The following ANP32A variants were observed in gnomAD, a reference collection of about 807,000 sequenced individuals.
ANP32A encodes the protein acidic nuclear phosphoprotein 32 family member A.
ANP32A carries 1 observed loss-of-function variant against 33.9 expected under a neutral mutation model. That is an observed-to-expected ratio of 0.03 (90% CI 0.01 to 0.14). The LOEUF (loss-of-function observed/expected upper bound fraction) is 0.14. Among genes scored for constraint, ANP32A ranks in the 10% least tolerant of loss-of-function variants. The probability of loss-of-function intolerance (pLI) is 1.00; values close to 1 mark genes in which losing one functional copy is unlikely to be tolerated. For missense variants in ANP32A, 155 were observed against 306.0 expected (o/e 0.51, Z 3.68); for synonymous variants, 115 against 120.5 (o/e 0.95, Z 0.30).
rs569348360 is a variant in ANP32A, at chr15:68,820,859, C to A, written c.-108G>T. Reference sequence around the variant, plus strand: ...GACTTTGAAGGCTCAACCAGCTCCGCTCGGTTCTCGAGCCCCCAGCACCCG... The same window carrying A: ...GACTTTGAAGGCTCAACCAGCTCCGATCGGTTCTCGAGCCCCCAGCACCCG... On this transcript the variant is annotated 5_prime_UTR_variant, in exon 1 of 7. Transcript: ENST00000465139. 160 of 1,353,912 alleles carry A rather than the reference C, an allele frequency of 1.2e-4. 1 individual carries two copies. The South Asian group carries it at 1.6e-3, about 14-fold the overall frequency. 83.9% of individuals were successfully genotyped at this position (1,353,912 alleles called of 1,614,324 possible).
rs999758320 is a variant in ANP32A, at chr15:68,780,009, G to GC, written c.*71_*72insG. The stretch of plus-strand genomic sequence containing the variant: ...TAAGTTTCAGGGGGCAGGATTGGAG[G>GC]GGGGGGGGAGAGGGGATATGGGTAA... On this transcript the variant is annotated 3_prime_UTR_variant, in exon 7 of 7. Coordinates refer to ENST00000465139, the MANE Select transcript of ANP32A (RefSeq NM_006305.4). The surrounding 1 kb of genome is among the most constrained non-coding windows in gnomAD (Gnocchi z 4.3). 3.7e-6 allele frequency: 5 copies of GC among 1,358,248 alleles called. No individual in the cohort carries two copies. Among genetic ancestry groups the GC allele is most frequent in the African/African-American group, 1.6e-5 (1 of 63,264 alleles). The allele number at this position is 1,358,248 out of a possible 1,614,324, so 84.1% of individuals were successfully genotyped here.
chr15:68,798,374 C>T (rs561034047), intron 1 of ANP32A, among the ~76,000 whole-genome samples: 1 of 152,324 alleles, frequency 6.6e-6, no homozygotes, highest in South Asian at 2.1e-4. Flanking sequence ...GAGGCCAGGA[C>T]GCATCCCACA....
chr15:68,790,326 G>C (rs1596065988), intron 1 of ANP32A: 1 of 152,222 alleles, frequency 6.6e-6, no homozygotes, highest in Non-Finnish European at 1.5e-5. Flanking sequence ...CAGGGAATTC[G>C]TCCAGGAAGT....
intron 1 of ANP32A, among the ~76,000 whole-genome samples, chr15:68,803,780 T>A (rs1388157450): frequency 1.3e-5 from 2 of 151,270 alleles, no homozygotes. Flanking sequence ...TTTGGTTTTA[T>A]GTGCTCTATT....
At chr15:68,810,771 G>A (rs1341672046) in intron 1 of ANP32A, among the ~76,000 whole-genome samples, 1 of 152,076 alleles carries the variant, frequency 6.6e-6, no homozygotes, top group East Asian at 1.9e-4. Flanking sequence ...CAAGAATGCT[G>A]AATCCCAGCC....
intron 1 of ANP32A, among the ~76,000 whole-genome samples, chr15:68,802,842 C>CG (rs1894156938): frequency 6.6e-6 from 1 of 151,124 alleles, no homozygotes; most frequent in Admixed American, 6.6e-5. Context: ...TTGGTAGAGA[C>CG]GGGGTTTCAC....
chr15:68,782,679 C>T (rs1893884074), intron 5 of ANP32A: 1 of 472,054 alleles, frequency 2.1e-6, no homozygotes. Context: ...TGTACTTCTT[C>T]ACATAGAAAC....
rs1893947274 is a variant in ANP32A, at chr15:68,787,485, T to C, written c.255A>G (p.Glu85=). Residue 85 remains glutamate, a synonymous_variant, in exon 3 of 7, where the codon GAA becomes GAG. Transcript: ENST00000465139. ...TTAGATGCGTGAGGTTCGGACACTT[T>C]TCTGCCAATACTTCCAGGCCCCCTG... ...RVSGGLEVLA[E]KCPNLTHLNL... 1 of 1,614,092 alleles carries C rather than the reference T, an allele frequency of 6.2e-7. No individual in the cohort carries two copies. The highest frequency in any genetic ancestry group is 8.5e-7 in the Non-Finnish European group (1 of 1,180,034).
At chr15:68,796,515 G>A (rs771014411) in intron 1 of ANP32A, among the ~76,000 whole-genome samples, 4 of 152,146 alleles carry the variant, frequency 2.6e-5, no homozygotes, top group Non-Finnish European at 2.9e-5. Flanking sequence ...ACACCCAGCC[G>A]CAGACTCGAC....
rs1894465315 is a variant in ANP32A, at chr15:68,820,820, GC to G, written c.-70del. 22 of 1,596,532 alleles carry G rather than the reference GC, an allele frequency of 1.4e-5. 1 individual carries two copies. In the South Asian group the frequency reaches 2.3e-4, roughly 17 times the overall value. ...TCAATCAATAAACCCCGAACCCACG[GC>G]CGCGCGTTTTAGGACTTTGAAGGCT... On this transcript the variant is annotated 5_prime_UTR_variant, in exon 1 of 7. Coordinates refer to ENST00000465139, the MANE Select transcript of ANP32A (RefSeq NM_006305.4).
chr15:68,818,857 C>T (rs1339566697), intron 1 of ANP32A, among the ~76,000 whole-genome samples: 1 of 151,592 alleles, frequency 6.6e-6, no homozygotes, highest in African/African-American at 2.4e-5. Flanking sequence ...AGCCCCCAAA[C>T]GCTAGGCGCC....
intron 1 of ANP32A, among the ~76,000 whole-genome samples, chr15:68,799,640 G>A (rs145583401): frequency 7.3e-4 from 111 of 152,278 alleles, no homozygotes; most frequent in African/African-American, 2.6e-3. Context: ...ATGAGCCATC[G>A]AAGGCTGTGC....
intron 1 of ANP32A, among the ~76,000 whole-genome samples, chr15:68,795,037 C>A (rs918065561): frequency 1.3e-5 from 2 of 152,160 alleles, no homozygotes; most frequent in Non-Finnish European, 2.9e-5. Flanking sequence ...AAGTTGGGGC[C>A]AGAGTCACTG....
chr15:68,792,130 G>T (rs1236929801), intron 1 of ANP32A: 1 of 136,952 alleles, frequency 7.3e-6, no homozygotes, highest in African/African-American at 2.7e-5. Context: ...GCTTTAAAAA[G>T]AAAAAAAAAA....
At chr15:68,817,775 G>C (rs1307560373) in intron 1 of ANP32A, 2 of 152,192 alleles carry the variant, frequency 1.3e-5, no homozygotes, top group Non-Finnish European at 2.9e-5. Context: ...GCGCGGGGCG[G>C]AAACCCCCAT....
chr15:68,787,111 G>T (rs185156360), intron 3 of ANP32A: 1 of 342,320 alleles, frequency 2.9e-6, no homozygotes, highest in Non-Finnish European at 5.5e-6. Context: ...TACAGCTCAG[G>T]TTTCCAAAGC....
At chr15:68,819,320 ACACT>A (rs1894438069) in intron 1 of ANP32A, among the ~76,000 whole-genome samples, 1 of 152,166 alleles carries the variant, frequency 6.6e-6, no homozygotes, top group African/African-American at 2.4e-5. Context: ...CTCGCCGAAA[ACACT>A]CAGGTTTGAA....
At chr15:68,796,575 T>C (rs1378313085) in intron 1 of ANP32A, among the ~76,000 whole-genome samples, 2 of 152,148 alleles carry the variant, frequency 1.3e-5, no homozygotes, top group Admixed American at 6.5e-5. Context: ...GCTGGAAGAC[T>C]GAAGAGGTAG....
intron 1 of ANP32A, chr15:68,789,411 A>C (rs1313368418): frequency 6.6e-6 from 1 of 152,408 alleles, no homozygotes; most frequent in Non-Finnish European, 1.5e-5. Flanking sequence ...ATAAGCAGCC[A>C]GGCTTTCTAA....
Sources: allele counts gnomAD v4.1 joint callset (sites outside exome capture counted in the v4.1 genomes callset), GRCh38; gene constraint gnomAD v4.1.1; non-coding constraint Gnocchi (gnomAD v3.1); transcripts MANE v1.5; gene names NCBI Gene and HGNC (gene_info 2026-07-23, HGNC 2026-07-21).